The following UTS2B variants were observed in gnomAD, a reference collection of about 807,000 sequenced individuals.
UTS2B encodes the protein urotensin-2B.
UTS2B carries 21 observed loss-of-function variants against 19.2 expected under a neutral mutation model. The ratio of observed to expected loss-of-function variants is 1.09; its 90% CI spans 0.78 to 1.58. The LOEUF (loss-of-function observed/expected upper bound fraction) is 1.58, where lower values mean the gene tolerates loss of function less well. Ranked by LOEUF, UTS2B falls within the 40% of genes most tolerant of loss-of-function variation. UTS2B has a pLI of 0.00. For synonymous variants in UTS2B, 57 were observed against 50.2 expected, an observed-to-expected ratio of 1.14 and a Z score of -0.58; for missense variants, 138 against 130.3, an observed-to-expected ratio of 1.06 and a Z score of -0.29.
intron 4 of UTS2B, among the ~76,000 whole-genome samples, chr3:191,296,136 C>A (rs1716852176): frequency 6.6e-6 from 1 of 152,128 alleles, no homozygotes; most frequent in Non-Finnish European, 1.5e-5. Flanking sequence ...CTGTATCTGT[C>A]TTCCCCTTTT....
chr3:191,333,251 A>G (rs538026245), upstream of UTS2B, among the ~76,000 whole-genome samples: 2 of 152,344 alleles, frequency 1.3e-5, no homozygotes, highest in South Asian at 4.1e-4. Context: ...ACATTTTTAG[A>G]AATGTCTGTA....
chr3:191,285,082 T>C (rs1716498418), intron 4 of UTS2B, among the ~76,000 whole-genome samples: 1 of 152,186 alleles, frequency 6.6e-6, no homozygotes, highest in Non-Finnish European at 1.5e-5. Flanking sequence ...ACTAATATCT[T>C]TAGTACAAAA....
intron 4 of UTS2B, among the ~76,000 whole-genome samples, chr3:191,294,223 T>C (rs758248112): frequency 5.3e-5 from 8 of 151,920 alleles, no homozygotes; most frequent in Non-Finnish European, 8.8e-5. Context: ...TTGTATCACA[T>C]GATGGAAAAT....
chr3:191,329,658 C>A (rs1457761781), intron 1 of UTS2B: 1 of 1,606,206 alleles, frequency 6.2e-7, no homozygotes, highest in East Asian at 2.2e-5. Flanking sequence ...AAGGGGCAAC[C>A]GGGACCCTGG....
At chr3:191,327,045 C>T (rs1344024445) in intron 2 of UTS2B, among the ~76,000 whole-genome samples, 1 of 152,316 alleles carries the variant, frequency 6.6e-6, no homozygotes, top group South Asian at 2.1e-4. Flanking sequence ...TTATGCATAT[C>T]TTACTGTAAG....
intron 4 of UTS2B, among the ~76,000 whole-genome samples, chr3:191,291,264 A>T (rs1327468774): frequency 6.6e-6 from 1 of 152,086 alleles, no homozygotes; most frequent in African/African-American, 2.4e-5. Context: ...GGGTAGTTTC[A>T]CTTTCTTGAT....
At chr3:191,308,565 C>T (rs1047305157) in intron 3 of UTS2B, among the ~76,000 whole-genome samples, 7 of 152,072 alleles carry the variant, frequency 4.6e-5, no homozygotes, top group East Asian at 3.9e-4. Context: ...TTCTTTATTG[C>T]GAGGGGGTTG....
intron 1 of UTS2B, chr3:191,329,563 C>G: frequency 9.1e-7 from 1 of 1,094,580 alleles, no homozygotes; most frequent in Non-Finnish European, 1.3e-6. Context: ...GCGAGCCCTG[C>G]CGGCCGGACT....
intron 4 of UTS2B, among the ~76,000 whole-genome samples, chr3:191,299,680 A>ACCC (rs1716943610): frequency 6.6e-6 from 1 of 152,160 alleles, no homozygotes; most frequent in Non-Finnish European, 1.5e-5. Context: ...TGGGGGTGGA[A>ACCC]CCCCCACACA....
chr3:191,273,488 G>C, intron 8 of UTS2B: 1 of 456,718 alleles, frequency 2.2e-6, no homozygotes, highest in Non-Finnish European at 4.4e-6. Context: ...ATTGAAAGCT[G>C]GGATGTATCC....
rs115349142 is a variant in UTS2B at position 191,278,829 on chromosome 3, C to A, written c.104-659G>T. Among the ~76,000 whole-genome samples the A allele has an allele frequency of 8.9e-3, 1,352 of 151,604 alleles. 14 individuals are homozygous for A. The highest frequency in any genetic ancestry group is 0.03 in the African/African-American group (1,228 of 41,432). On this transcript the variant is annotated intron_variant, in intron 5 of 8. Coordinates refer to ENST00000340524, the MANE Select transcript of UTS2B (RefSeq NM_198152.5). ...TAGCAAGCTATAAAACATGAAGATT[C>A]AAAAAAAATCCATTGACAATTCAAT...
At chr3:191,331,498 G>T (rs965323594), upstream of UTS2B, among the ~76,000 whole-genome samples, 17 of 152,236 alleles carry the variant, frequency 1.1e-4, no homozygotes, top group African/African-American at 3.9e-4. Flanking sequence ...GCGTAATACG[G>T]TGTTTGGCAA....
At chr3:191,336,383 A>G in the UTS2B span, among the ~76,000 whole-genome samples, 6 of 152,204 alleles carry the variant, frequency 3.9e-5, no homozygotes, top group East Asian at 1.9e-4. Flanking sequence ...GTGTCATGAT[A>G]TCTTATTGTG....
chr3:191,270,561 T>C (rs1201246919), intron 8 of UTS2B, among the ~76,000 whole-genome samples: 2 of 152,200 alleles, frequency 1.3e-5, no homozygotes, highest in African/African-American at 4.8e-5. Context: ...TTTTTATGCT[T>C]TCAAATCATT....
chr3:191,284,897 A>G (rs2108578120), intron 4 of UTS2B, among the ~76,000 whole-genome samples: 1 of 152,272 alleles, frequency 6.6e-6, no homozygotes, highest in Non-Finnish European at 1.5e-5. Flanking sequence ...CAAAAGCTGA[A>G]GGAATTCATC....
intron 4 of UTS2B, among the ~76,000 whole-genome samples, chr3:191,296,241 C>T (rs1716855052): frequency 6.6e-6 from 1 of 150,836 alleles, no homozygotes; most frequent in South Asian, 2.1e-4. Flanking sequence ...AGGCATACTC[C>T]CCTTCCCCAA....
At chr3:191,280,895 G>T (rs1367276903) in intron 5 of UTS2B, among the ~76,000 whole-genome samples, 1 of 152,114 alleles carries the variant, frequency 6.6e-6, no homozygotes, top group African/African-American at 2.4e-5. Context: ...TGCAATGATT[G>T]TGGCTGACCA....
chr3:191,334,825 C>T (rs1307841795), upstream of UTS2B, among the ~76,000 whole-genome samples: 1 of 152,020 alleles, frequency 6.6e-6, no homozygotes, highest in East Asian at 1.9e-4. Context: ...AAGGCTTTTT[C>T]TGAGGATAGT....
chr3:191,282,686 G>C (rs944184824), intron 4 of UTS2B, among the ~76,000 whole-genome samples: 2 of 152,166 alleles, frequency 1.3e-5, no homozygotes, highest in Non-Finnish European at 2.9e-5. Context: ...TTTTGAGCTA[G>C]GTGGTAGTCT....
Sources: gnomAD v4.1 joint callset for allele counts (sites outside exome capture counted in the v4.1 genomes callset) on GRCh38, gnomAD v4.1.1 for gene constraint, MANE v1.5 for transcripts, NCBI Gene and HGNC (gene_info 2026-07-23, HGNC 2026-07-21) for gene names.